The following DCC variants were observed in gnomAD, a reference collection of about 807,000 sequenced individuals.
DCC encodes the protein netrin receptor DCC.
A neutral mutation model predicts 172.5 loss-of-function variants in DCC; 58 were observed. That is an observed-to-expected ratio of 0.34 (90% CI 0.27 to 0.42). The LOEUF (loss-of-function observed/expected upper bound fraction) is 0.42, where lower values mean the gene tolerates loss of function less well. Ranked by LOEUF, DCC falls within the 10% of genes least tolerant of loss-of-function variation. The pLI, the probability that DCC is intolerant of heterozygous loss-of-function variation, is 1.00. For missense variants in DCC, 1,740 were observed against 1,791.0 expected, an observed-to-expected ratio of 0.97 and a Z score of 0.51; for synonymous variants, 709 against 644.5, an observed-to-expected ratio of 1.10 and a Z score of -1.52.
At chr18:53,265,359 G>A (rs1444999710) in intron 12 of DCC, among the ~76,000 whole-genome samples, 2 of 152,116 alleles carry the variant, frequency 1.3e-5, no homozygotes, top group African/African-American at 2.4e-5. Context: ...ATAATTTCTA[G>A]GTGATGAGTT....
At chr18:53,285,727 G>T (rs1337733903) in intron 12 of DCC, among the ~76,000 whole-genome samples, 1 of 152,156 alleles carries the variant, frequency 6.6e-6, no homozygotes, top group Non-Finnish European at 1.5e-5. Context: ...CATGCACCTG[G>T]AGAAGCCACA....
At chr18:52,946,831 T>C (rs1420007693) in intron 5 of DCC, among the ~76,000 whole-genome samples, 1 of 152,166 alleles carries the variant, frequency 6.6e-6, no homozygotes, top group East Asian at 1.9e-4. Context: ...AAAATTAGGG[T>C]AAGGCAGGTG....
chr18:53,205,088 ATAT>A, intron 9 of DCC, 125 bp from the exon 10 acceptor site: 1 of 726,584 alleles, frequency 1.4e-6, no homozygotes, highest in South Asian at 1.6e-5. Context: ...TTCTTATTCC[ATAT>A]TATTCTAAAA....
At chr18:52,891,161 G>T (rs2039644770) in intron 2 of DCC, among the ~76,000 whole-genome samples, 1 of 151,978 alleles carries the variant, frequency 6.6e-6, no homozygotes, top group Non-Finnish European at 1.5e-5. Context: ...TAATATTGGG[G>T]TTTTCATTGA....
chr18:52,842,907 G>A lies in DCC; in HGVS notation c.413-63137G>A, dbSNP rs1343676626. 2.6e-5 allele frequency among the ~76,000 whole-genome samples: 4 copies of A among 151,322 alleles called. No homozygotes were observed. The South Asian group carries it at 6.2e-4, about 24-fold the overall frequency. On this transcript the variant is annotated intron_variant, in intron 2 of 28. Transcript: ENST00000442544. ...TTTAGCATCTGGCTTAGTTTCACTA[G>A]CTGAGATGAGAAAAACTTGAAGAGA... is the stretch of plus-strand genomic sequence containing the variant.
chr18:53,474,483 A>T (rs1466030780), intron 25 of DCC, among the ~76,000 whole-genome samples: 1 of 152,002 alleles, frequency 6.6e-6, no homozygotes, highest in African/African-American at 2.4e-5. Flanking sequence ...TCCCAATGGG[A>T]GGTAATTGAA....
intron 15 of DCC, among the ~76,000 whole-genome samples, chr18:53,362,938 A>T (rs905547322): frequency 1.3e-5 from 2 of 152,056 alleles, no homozygotes; most frequent in East Asian, 3.9e-4. Context: ...TTGAACATTT[A>T]CTCTGTGCCA....
chr18:52,865,114 C>G (rs932380658), intron 2 of DCC, among the ~76,000 whole-genome samples: 3 of 152,046 alleles, frequency 2.0e-5, no homozygotes, highest in African/African-American at 7.2e-5. Flanking sequence ...ATCCTCCCGC[C>G]TTGGCCTCCC....
chr18:53,175,458 T>TGATAAGCAACTTCAGCA (rs1164958942), intron 8 of DCC, among the ~76,000 whole-genome samples: 3 of 151,968 alleles, frequency 2.0e-5, no homozygotes, highest in African/African-American at 7.3e-5. Flanking sequence ...CTCCTTAAGC[T>TGATAAGCAACTTCAGCA]GATAAGCAAC....
chr18:53,107,900 G>C (rs2043274000), intron 7 of DCC, among the ~76,000 whole-genome samples: 1 of 151,490 alleles, frequency 6.6e-6, no homozygotes, highest in African/African-American at 2.4e-5. Context: ...TTTTATTTCT[G>C]GGTTTTATCT....
At chr18:53,350,886 T>C (rs1293678287) in intron 15 of DCC, among the ~76,000 whole-genome samples, 3 of 151,988 alleles carry the variant, frequency 2.0e-5, no homozygotes, top group Non-Finnish European at 4.4e-5. Context: ...ATATTCTGAT[T>C]AGAAAATCTT....
chr18:52,346,498 A>G (rs1321202503), intron 1 of DCC, among the ~76,000 whole-genome samples: 1 of 152,236 alleles, frequency 6.6e-6, no homozygotes, highest in African/African-American at 2.4e-5. Flanking sequence ...TAATTCAACT[A>G]TTAAGTGAAA....
At chr18:53,287,524 A>T (rs907927437) in intron 12 of DCC, among the ~76,000 whole-genome samples, 1 of 152,184 alleles carries the variant, frequency 6.6e-6, no homozygotes. Flanking sequence ...CTGCTGGGTC[A>T]TACTTAATTC....
intron 1 of DCC, among the ~76,000 whole-genome samples, chr18:52,399,126 A>C (rs914233090): frequency 9.9e-5 from 15 of 151,998 alleles, no homozygotes; most frequent in Non-Finnish European, 1.9e-4. Context: ...AAGGCTCTTG[A>C]CAAAAACAAG....
At position 53,530,908 on chromosome 18, in the gene DCC, T is replaced by C; in HGVS notation, c.*255T>C. On this transcript the variant is annotated 3_prime_UTR_variant, in exon 29 of 29. Transcript: ENST00000442544. ...ATGCATTTTCACTGCAATGTCAAAG[T>C]TTAAGCTGCTAGAATAGTCATGGGC... 1 of 574,278 alleles carries C rather than the reference T, an allele frequency of 1.7e-6. No homozygotes were observed. Among genetic ancestry groups the C allele is most frequent in the Non-Finnish European group, 3.1e-6 (1 of 317,930 alleles). The allele number at this position is 574,278 out of a possible 1,614,324, so 35.6% of individuals were successfully genotyped here.
chr18:53,226,948 A>ATATATATTTTT, intron 12 of DCC, among the ~76,000 whole-genome samples: 19 of 52,950 alleles, frequency 3.6e-4, no homozygotes, highest in African/African-American at 9.4e-4. Flanking sequence ...ATATATATAT[A>ATATATATTTTT]TTTTTTTTTT....
At chr18:53,132,200 G>A (rs989387794) in intron 7 of DCC, among the ~76,000 whole-genome samples, 20 of 151,932 alleles carry the variant, frequency 1.3e-4, no homozygotes, top group African/African-American at 4.8e-4. Context: ...TTGAAATGGC[G>A]GGGAGTCTAA....
At chr18:53,191,447 A>G (rs941072410) in intron 9 of DCC, among the ~76,000 whole-genome samples, 2 of 130,508 alleles carry the variant, frequency 1.5e-5, no homozygotes, top group East Asian at 3.9e-4. Context: ...TATTTTTGCC[A>G]ATCTTCTTAA....
At chr18:52,896,504 A>C (rs920086414) in intron 2 of DCC, among the ~76,000 whole-genome samples, 1 of 152,218 alleles carries the variant, frequency 6.6e-6, no homozygotes, top group African/African-American at 2.4e-5. Context: ...TAACTTTCAC[A>C]TACATAAATG....
Sources: allele counts gnomAD v4.1 joint callset (sites outside exome capture counted in the v4.1 genomes callset), GRCh38; gene constraint gnomAD v4.1.1; transcripts MANE v1.5; gene names NCBI Gene and HGNC (gene_info 2026-07-23, HGNC 2026-07-21).